The following RALB variants were observed in gnomAD, a reference collection of about 807,000 sequenced individuals.
RALB encodes the protein RAS like proto-oncogene B.
Under a neutral mutation model 21.3 loss-of-function variants are expected in RALB, and 16 were observed. The ratio of observed to expected loss-of-function variants is 0.75; its 90% CI spans 0.51 to 1.14. The LOEUF is 1.14. RALB is among the 50% of genes most tolerant of loss of function. The probability of loss-of-function intolerance (pLI) is 0.00; values close to 1 mark genes in which losing one functional copy is unlikely to be tolerated. For synonymous variants in RALB, 93 were observed against 96.1 expected, an observed-to-expected ratio of 0.97 and a Z score of 0.19; for missense variants, 161 against 256.2, an observed-to-expected ratio of 0.63 and a Z score of 2.54.
intron 1 of RALB, among the ~76,000 whole-genome samples, chr2:120,272,601 A>T (rs565782696): frequency 2.0e-5 from 3 of 152,300 alleles, no homozygotes; most frequent in African/African-American, 2.4e-5. Flanking sequence ...GTTGGGGAAG[A>T]TACCTGTATT....
intron 1 of RALB, among the ~76,000 whole-genome samples, chr2:120,258,060 C>T (rs569120010): frequency 6.6e-6 from 1 of 152,360 alleles, no homozygotes; most frequent in South Asian, 2.1e-4. Context: ...TGCATACCCA[C>T]ATCTGCTCTT....
At chr2:120,277,555 C>T (rs951517352) in intron 1 of RALB, among the ~76,000 whole-genome samples, 58 of 151,328 alleles carry the variant, frequency 3.8e-4, no homozygotes, top group Non-Finnish European at 6.3e-4. Context: ...TGTGTGAAAG[C>T]GTGAGTGCAC....
intron 4 of RALB, among the ~76,000 whole-genome samples, 174 bp downstream of exon 4, chr2:120,289,931 C>T (rs1690267635): frequency 6.6e-6 from 1 of 152,152 alleles, no homozygotes; most frequent in Non-Finnish European, 1.5e-5. Context: ...GAGGATGTCA[C>T]CTTGTATTTC....
intron 1 of RALB, among the ~76,000 whole-genome samples, chr2:120,278,051 ATG>A (rs1156949815): frequency 2.4e-5 from 3 of 127,456 alleles, no homozygotes; most frequent in Non-Finnish European, 5.0e-5. Context: ...GTGTGTGTGA[ATG>A]TGAGCGTGTG....
intron 1 of RALB, among the ~76,000 whole-genome samples, chr2:120,276,059 T>C (rs1251331836): frequency 6.6e-6 from 1 of 152,234 alleles, no homozygotes. Context: ...CAGTCTTTTA[T>C]TATGCAGGCG....
At chr2:120,282,571 CGG>C (rs1434607787) in intron 2 of RALB, among the ~76,000 whole-genome samples, 3 of 66,816 alleles carry the variant, frequency 4.5e-5, no homozygotes, top group South Asian at 4.6e-4. Flanking sequence ...GGGAGGGGGG[CGG>C]GGGTGGGTAA....
At chr2:120,279,216 G>T (rs548771700) in intron 2 of RALB, among the ~76,000 whole-genome samples, 8 of 152,094 alleles carry the variant, frequency 5.3e-5, no homozygotes, top group African/African-American at 1.2e-4. Context: ...CAGTTCTCCC[G>T]TGCGGCAAGG....
At chr2:120,268,210 A>G (rs990058198) in intron 1 of RALB, among the ~76,000 whole-genome samples, 2 of 152,190 alleles carry the variant, frequency 1.3e-5, no homozygotes, top group African/African-American at 4.8e-5. Flanking sequence ...CAAGGAAGAG[A>G]GACAGAGCCA....
Position 120,285,892 on chromosome 2 carries a change from C to G in RALB, c.133C>G (p.Pro45Ala), listed in dbSNP as rs759371436. 5.0e-6 allele frequency: 8 copies of G among 1,613,224 alleles called. No homozygotes were observed. The highest frequency in any genetic ancestry group is 6.8e-6 in the Non-Finnish European group (8 of 1,179,310). Residue 45 changes from proline (P) to alanine (A), a missense_variant, in exon 3 of 5, where the codon CCT becomes GCT. By Grantham distance (27) the Pro-to-Ala change is conservative. Transcript: ENST00000272519. ...TCCTCAGTTTGTAGAAGACTATGAA[C>G]CTACCAAAGCTGACAGTTATAGAAA... ...MYDEFVEDYE[P>A]TKADSYRKKV...
intron 1 of RALB, among the ~76,000 whole-genome samples, chr2:120,247,401 G>A (rs1008328107): frequency 6.6e-6 from 1 of 152,128 alleles, no homozygotes; most frequent in Non-Finnish European, 1.5e-5. Flanking sequence ...TTCTCCTTTA[G>A]CAAATGACTT....
At chr2:120,291,226 A>C (rs1365477186) in intron 4 of RALB, among the ~76,000 whole-genome samples, 1 of 152,248 alleles carries the variant, frequency 6.6e-6, no homozygotes, top group East Asian at 1.9e-4. Flanking sequence ...TATAGGATAG[A>C]TATACATATA....
chr2:120,259,062 C>T (rs1210071411), intron 1 of RALB, among the ~76,000 whole-genome samples: 3 of 151,822 alleles, frequency 2.0e-5, no homozygotes, highest in Non-Finnish European at 4.4e-5. Context: ...CCGGTGGGCT[C>T]GTGGTCTTGC....
At chr2:120,292,789 T>TAAAAAAAG (rs533564625) in intron 4 of RALB, among the ~76,000 whole-genome samples, 6 of 150,988 alleles carry the variant, frequency 4.0e-5, no homozygotes, top group Admixed American at 4.0e-4. Context: ...CTGTCTGAAT[T>TAAAAAAAG]TAAAAAAAAA....
chr2:120,286,871 G>T (rs377304180), intron 3 of RALB, among the ~76,000 whole-genome samples: 2 of 152,138 alleles, frequency 1.3e-5, no homozygotes, highest in African/African-American at 4.8e-5. Context: ...GAAAGAAAAA[G>T]AAAATATAGC....
At chr2:120,280,853 G>A in intron 2 of RALB, 1 of 439,780 alleles carries the variant, frequency 2.3e-6, no homozygotes, top group Admixed American at 2.6e-5. Flanking sequence ...CAAAATCATT[G>A]GCATATGACA....
At chr2:120,241,844 A>G (rs1688900993) in intron 1 of RALB, among the ~76,000 whole-genome samples, 1 of 152,250 alleles carries the variant, frequency 6.6e-6, no homozygotes, top group Admixed American at 6.5e-5. Context: ...TGCAGTTGCT[A>G]TGGAAAACAA....
intron 1 of RALB, among the ~76,000 whole-genome samples, chr2:120,244,569 G>T (rs1236311403): frequency 6.6e-6 from 1 of 152,186 alleles, no homozygotes; most frequent in Admixed American, 6.5e-5. Context: ...CTCCTGAATA[G>T]CACCCCTTCA....
chr2:120,266,863 T>C (rs1341594231), intron 1 of RALB, among the ~76,000 whole-genome samples: 3 of 152,180 alleles, frequency 2.0e-5, no homozygotes, highest in African/African-American at 7.2e-5. Context: ...CAAAGATGAA[T>C]GGGCTTGAAG....
chr2:120,290,327 T>C (rs1690277586), intron 4 of RALB, among the ~76,000 whole-genome samples: 2 of 152,208 alleles, frequency 1.3e-5, no homozygotes, highest in African/African-American at 4.8e-5. Flanking sequence ...GGAAGGATGG[T>C]GGGACGAGGC....
Sources: gnomAD v4.1 joint callset for allele counts (sites outside exome capture counted in the v4.1 genomes callset) on GRCh38, gnomAD v4.1.1 for gene constraint, MANE v1.5 for transcripts, NCBI Gene and HGNC (gene_info 2026-07-23, HGNC 2026-07-21) for gene names.